KIF26B: variants seen among roughly 807,000 people sequenced by gnomAD.
The protein encoded by KIF26B is kinesin-like protein KIF26B.
In KIF26B, 63 loss-of-function variants were observed where a neutral mutation model predicts 151.2. The ratio of observed to expected loss-of-function variants is 0.42; its 90% confidence interval spans 0.34 to 0.51. The LOEUF is 0.51. Ranked by LOEUF, KIF26B falls within the 20% of genes least tolerant of loss-of-function variation. The pLI, the probability that KIF26B is intolerant of heterozygous loss-of-function variation, is 0.07. For synonymous variants in KIF26B, 1,357 were observed against 1,262.1 expected (o/e 1.08, Z -1.59); for missense variants, 2,813 against 2,913.6 (o/e 0.97, Z 0.79).
At chr1:245,232,037 G>A (rs1007316603) in intron 2 of KIF26B, among the ~76,000 whole-genome samples, 1 of 152,208 alleles carries the variant, frequency 6.6e-6, no homozygotes, top group Non-Finnish European at 1.5e-5. Flanking sequence ...ATAACTGGTG[G>A]TTTGAACAAA....
chr1:245,425,008 T>C (rs1289549386), intron 4 of KIF26B, among the ~76,000 whole-genome samples: 4 of 151,928 alleles, frequency 2.6e-5, no homozygotes, highest in Admixed American at 2.0e-4. Context: ...CAACTGATCG[T>C]CAAGTTGGTT....
Position 245,179,346 on chromosome 1 carries a change from G to A in KIF26B, c.465+22663G>A, listed in dbSNP as rs202217918. On this transcript the variant is annotated intron_variant, in intron 2 of 14. Coordinates refer to ENST00000407071, the MANE Select transcript of KIF26B (RefSeq NM_018012.4). Reference sequence around the variant, plus strand: ...TATGGATTCAAAAACAAAGGAGGCCGGGCGCAGTGGCTCATGCCTGTAATC... The same window carrying A: ...TATGGATTCAAAAACAAAGGAGGCCAGGCGCAGTGGCTCATGCCTGTAATC... Among the ~76,000 whole-genome samples the A allele has an allele frequency of 3.9e-5, 6 of 152,258 alleles. No individual in the cohort carries two copies. In the East Asian group the frequency reaches 5.8e-4, roughly 15 times the overall value.
chr1:245,155,319 G>C lies in KIF26B; in HGVS notation c.-106G>C. ...CACCGCTGAAGAAACCTTGCCCTGA[G>C]GGCTGAGAGCCAGCCCCCTGCAGCC... On this transcript the variant is annotated 5_prime_UTR_variant, in exon 1 of 15. Transcript: ENST00000407071. 1 of 893,718 alleles carries C rather than the reference G, an allele frequency of 1.1e-6. No homozygotes were observed. Among genetic ancestry groups the C allele is most frequent in the Admixed American group, 2.3e-5 (1 of 43,422 alleles). 55.4% of individuals were successfully genotyped at this position (893,718 alleles called of 1,614,324 possible). A position where few individuals can be genotyped will look rare whatever the true frequency, so the allele number is the denominator to read the frequency against.
chr1:245,308,437 G>A (rs185309092), intron 2 of KIF26B, among the ~76,000 whole-genome samples: 2 of 152,330 alleles, frequency 1.3e-5, no homozygotes, highest in African/African-American at 4.8e-5. Context: ...GGGTCTATGT[G>A]CTCGTGAAGA....
Position 245,355,639 on chromosome 1 carries a change from AACTT to A in KIF26B, c.466-11192_466-11189del, listed in dbSNP as rs376446844. 4.1e-3 allele frequency among the ~76,000 whole-genome samples: 628 copies of A among 152,158 alleles called. 4 individuals carry two copies. The highest frequency in any genetic ancestry group is 0.014 in the African/African-American group (597 of 41,496). On this transcript the variant is annotated intron_variant, in intron 2 of 14. Coordinates refer to ENST00000407071, the MANE Select transcript of KIF26B (RefSeq NM_018012.4). ...AAGAAGAAGAAGAAAGAATTTAAAA[AACTT>A]ACCAGCGGTCAAGAACCATTGGAGT...
chr1:245,543,472 G>A (rs1202436678), intron 5 of KIF26B, among the ~76,000 whole-genome samples: 1 of 120,908 alleles, frequency 8.3e-6, no homozygotes. Context: ...TCACCCATGA[G>A]ACTGTGTCGA....
rs117225155 is a variant in KIF26B at position 245,368,416 on chromosome 1, G to A, written c.999+1049G>A. 8.4e-3 allele frequency among the ~76,000 whole-genome samples: 1,271 copies of A among 152,210 alleles called. 23 individuals carry two copies. The highest frequency in any genetic ancestry group is 0.029 in the African/African-American group (1,194 of 41,516). ...TGGGAAGCAGCAGAGAGCATTGACC[G>A]TCACTGGAATGGAGAGGCGGCCACG... On this transcript the variant is annotated intron_variant, in intron 3 of 14. Coordinates refer to ENST00000407071, the MANE Select transcript of KIF26B (RefSeq NM_018012.4).
At chr1:245,701,003 A>AGACTT (rs1329528793) in intron 14 of KIF26B, among the ~76,000 whole-genome samples, 7 of 152,224 alleles carry the variant, frequency 4.6e-5, no homozygotes, top group Non-Finnish European at 1.0e-4. Flanking sequence ...TGCCCAAGGC[A>AGACTT]GACTTGACTT....
chr1:245,389,270 T>C (rs909384220), intron 3 of KIF26B, among the ~76,000 whole-genome samples: 8 of 152,116 alleles, frequency 5.3e-5, no homozygotes, highest in African/African-American at 1.9e-4. Context: ...TGCACCATCA[T>C]GCCCGGCTAA....
Position 245,155,322 on chromosome 1 carries a change from C to A in KIF26B, c.-103C>A. 1 of 945,838 alleles carries A rather than the reference C, an allele frequency of 1.1e-6. No individual in the cohort carries two copies. Among genetic ancestry groups the A allele is most frequent in the Non-Finnish European group, 1.7e-6 (1 of 604,830 alleles). 58.6% of individuals were successfully genotyped at this position (945,838 alleles called of 1,614,324 possible). On this transcript the variant is annotated 5_prime_UTR_variant, in exon 1 of 15. The change creates a new upstream start codon in the 5' untranslated region. Coordinates refer to ENST00000407071, the MANE Select transcript of KIF26B (RefSeq NM_018012.4). ...CGCTGAAGAAACCTTGCCCTGAGGG[C>A]TGAGAGCCAGCCCCCTGCAGCCGGG... is the stretch of plus-strand genomic sequence containing the variant.
Position 245,706,366 on chromosome 1 carries a change from C to G in KIF26B, c.*3760C>G, listed in dbSNP as rs2044841041. 6.6e-6 allele frequency: 1 copy of G among 152,166 alleles called. No individual in the cohort carries two copies. Among genetic ancestry groups the G allele is most frequent in the Non-Finnish European group, 1.5e-5 (1 of 68,030 alleles). 9.4% of individuals were successfully genotyped at this position (152,166 alleles called of 1,614,324 possible). ...CCAGCCACCTTCTTTGGATAGAAGG[C>G]AAGGCTGACAAATCTGCAGATTTGT... On this transcript the variant is annotated 3_prime_UTR_variant, in exon 15 of 15. Transcript: ENST00000407071.
At chr1:245,458,705 A>T (rs1415837191) in intron 4 of KIF26B, among the ~76,000 whole-genome samples, 2 of 152,184 alleles carry the variant, frequency 1.3e-5, no homozygotes, top group African/African-American at 4.8e-5. Context: ...CTAAGTACCA[A>T]ACTTTCCGGA....
intron 2 of KIF26B, among the ~76,000 whole-genome samples, chr1:245,346,511 C>T (rs996697374): frequency 1.3e-5 from 2 of 152,130 alleles, no homozygotes; most frequent in Admixed American, 6.5e-5. Context: ...TGTGGATTGA[C>T]GCTCCTGGAG....
intron 2 of KIF26B, among the ~76,000 whole-genome samples, chr1:245,267,428 G>A (rs1367596991): frequency 6.6e-6 from 1 of 152,152 alleles, no homozygotes; most frequent in African/African-American, 2.4e-5. Flanking sequence ...ATTGAGTTGA[G>A]GCACAACCCT....
Position 245,253,671 on chromosome 1 carries a change from A to G in KIF26B, c.465+96988A>G, listed in dbSNP as rs912967028. Among the ~76,000 whole-genome samples, 13 of 152,024 alleles carry G rather than the reference A, an allele frequency of 8.6e-5. No individual in the cohort carries two copies. In the South Asian group the frequency reaches 1.0e-3, roughly 12 times the overall value. On this transcript the variant is annotated intron_variant, in intron 2 of 14. Coordinates refer to ENST00000407071, the MANE Select transcript of KIF26B (RefSeq NM_018012.4). ...GGACATGGGGATTATTCATGTGTCAATTTTGAACTACTAACTTAATTTTTT... is the reference window on the plus strand; with the variant it reads ...GGACATGGGGATTATTCATGTGTCAGTTTTGAACTACTAACTTAATTTTTT...
intron 10 of KIF26B, among the ~76,000 whole-genome samples, chr1:245,678,673 C>A (rs1039576558): frequency 6.6e-5 from 10 of 151,902 alleles, no homozygotes; most frequent in Non-Finnish European, 1.3e-4. Flanking sequence ...ACCATCGTGG[C>A]CAACATGGTG....
rs1256245746 is a variant in KIF26B at position 245,698,347 on chromosome 1, G to A, written c.6027+39G>A. 24 of 1,576,920 alleles carry A rather than the reference G, an allele frequency of 1.5e-5. No homozygotes were observed. The highest frequency in any genetic ancestry group is 2.0e-5 in the Non-Finnish European group (23 of 1,155,882). On this transcript the variant is annotated intron_variant, in intron 13 of 14. Transcript: ENST00000407071. This position sits in a 1 kb window ranked among gnomAD's most constrained non-coding sequence, Gnocchi z 4.0. The stretch of plus-strand genomic sequence containing the variant: ...CTTCCCACCCCCTGCCTACGTGGTG[G>A]CAGCTCCCCACCAAGCCTGAGCAGG...
At chr1:245,436,209 G>A (rs1173849) in intron 4 of KIF26B, among the ~76,000 whole-genome samples, 20,435 of 151,610 alleles carry the variant, frequency 0.13, 1,504 homozygotes, top group East Asian at 0.22. Context: ...CTTCTAAATA[G>A]CTTGCTGAGT....
At chr1:245,155,568 C>T in intron 1 of KIF26B, 81 bp downstream of exon 1, 1 of 1,275,670 alleles carries the variant, frequency 7.8e-7, no homozygotes, top group Non-Finnish European at 1.1e-6. Flanking sequence ...GATCGTGCGG[C>T]CCCGGCCCCG....
Sources: allele counts gnomAD v4.1 joint callset (sites outside exome capture counted in the v4.1 genomes callset), GRCh38; gene constraint gnomAD v4.1.1; non-coding constraint Gnocchi (gnomAD v3.1); transcripts MANE v1.5; gene names NCBI Gene and HGNC (gene_info 2026-07-23, HGNC 2026-07-21).